Variants in KCNQ5 observed in about 807,000 individuals in gnomAD.
KCNQ5 encodes potassium voltage-gated channel subfamily KQT member 5.
Under a neutral mutation model 98.2 loss-of-function variants are expected in KCNQ5, and 30 were observed. The observed-to-expected ratio is 0.31, with a 90% CI of 0.23 to 0.41. The LOEUF is 0.41. Ranked by LOEUF, KCNQ5 falls within the 10% of genes least tolerant of loss-of-function variation. KCNQ5 has a pLI of 1.00. For synonymous variants in KCNQ5, 458 were observed against 449.4 expected (o/e 1.02, Z -0.24); for missense variants, 835 against 1,182.5 (o/e 0.71, Z 4.31).
chr6:72,891,601 TAC>T (rs369933821), intron 1 of KCNQ5, among the ~76,000 whole-genome samples: 13 of 152,290 alleles, frequency 8.5e-5, no homozygotes, highest in African/African-American at 2.6e-4. Flanking sequence ...TTACATAATC[TAC>T]AGTCATGTAA....
intron 6 of KCNQ5, among the ~76,000 whole-genome samples, chr6:73,107,388 G>T (rs1267241992): frequency 6.6e-6 from 1 of 152,216 alleles, no homozygotes; most frequent in African/African-American, 2.4e-5. Context: ...TATAGAGGAA[G>T]ATGATAGAAC....
intron 1 of KCNQ5, among the ~76,000 whole-genome samples, chr6:72,807,244 C>A (rs1197291100): frequency 6.6e-6 from 1 of 151,952 alleles, no homozygotes; most frequent in African/African-American, 2.4e-5. Flanking sequence ...TACCATAGGG[C>A]TTAGTTAATT....
At chr6:73,019,906 C>A (rs182874657) in intron 2 of KCNQ5, among the ~76,000 whole-genome samples, 185 of 152,260 alleles carry the variant, frequency 1.2e-3, no homozygotes, top group Non-Finnish European at 2.1e-3. Context: ...ACATTGGGAT[C>A]ATTCTGTCTT....
At chr6:72,637,297 C>T (rs2098924767) in intron 1 of KCNQ5, among the ~76,000 whole-genome samples, 1 of 151,654 alleles carries the variant, frequency 6.6e-6, no homozygotes, top group Non-Finnish European at 1.5e-5. Flanking sequence ...TTTCAGTATA[C>T]ACTTTAAGCT....
At chr6:73,192,264 G>GTCAGGCA (rs1765620037) in intron 12 of KCNQ5, among the ~76,000 whole-genome samples, 1 of 152,164 alleles carries the variant, frequency 6.6e-6, no homozygotes, top group African/African-American at 2.4e-5. Flanking sequence ...ATTTTGAAAT[G>GTCAGGCA]GTTAAATTCA....
intron 7 of KCNQ5, among the ~76,000 whole-genome samples, chr6:73,118,005 A>G (rs1372243153): frequency 6.6e-6 from 1 of 152,178 alleles, no homozygotes; most frequent in Non-Finnish European, 1.5e-5. Context: ...CTTCCTCAAA[A>G]ATATAAAAAG....
chr6:73,038,625 A>AT (rs368290079), intron 2 of KCNQ5, among the ~76,000 whole-genome samples: 1,653 of 151,054 alleles, frequency 0.011, 32 homozygotes, highest in African/African-American at 0.037. Context: ...AATTTATATG[A>AT]TTTTTTTTTA....
intron 1 of KCNQ5, among the ~76,000 whole-genome samples, chr6:72,957,042 C>T (rs1010917475): frequency 1.3e-5 from 2 of 151,998 alleles, no homozygotes; most frequent in African/African-American, 4.8e-5. Context: ...CTGGGCTTTG[C>T]CTCTACTTTA....
At position 72,724,004 on chromosome 6, in the gene KCNQ5, C is replaced by A. The variant is rs186032713; in HGVS notation, c.398+101417C>A. Reference sequence around the variant, plus strand: ...TGTAATATGATTTTTAAGTAATTGACTTTCTTTTGACACGCTTTCTTATTT... The same window carrying A: ...TGTAATATGATTTTTAAGTAATTGAATTTCTTTTGACACGCTTTCTTATTT... On this transcript the variant is annotated intron_variant, in intron 1 of 13. Coordinates refer to ENST00000370398, the MANE Select transcript of KCNQ5 (RefSeq NM_019842.4). 3.4e-3 allele frequency among the ~76,000 whole-genome samples: 522 copies of A among 152,176 alleles called. 3 individuals are homozygous for A. Among genetic ancestry groups the A allele is most frequent in the Non-Finnish European group, 6.4e-3 (438 of 67,976 alleles).
At chr6:73,103,638 T>TA (rs1180107054) in intron 5 of KCNQ5, among the ~76,000 whole-genome samples, 4 of 151,520 alleles carry the variant, frequency 2.6e-5, no homozygotes, top group Admixed American at 2.0e-4. Context: ...GTATAATAAT[T>TA]AAAAAAAATT....
At chr6:73,113,787 G>T (rs904634138) in intron 7 of KCNQ5, among the ~76,000 whole-genome samples, 1 of 152,230 alleles carries the variant, frequency 6.6e-6, no homozygotes. Flanking sequence ...TGGAGGACAG[G>T]CTAATTGAAC....
chr6:72,828,913 T>C (rs1473637081), intron 1 of KCNQ5, among the ~76,000 whole-genome samples: 2 of 152,122 alleles, frequency 1.3e-5, no homozygotes, highest in Admixed American at 1.3e-4. Context: ...GTGGTGGTCT[T>C]TGTTTTAATA....
intron 1 of KCNQ5, among the ~76,000 whole-genome samples, chr6:72,655,443 C>T (rs1766140043): frequency 1.3e-5 from 2 of 151,910 alleles, no homozygotes; most frequent in South Asian, 4.2e-4. Context: ...ATGAAGATTC[C>T]AAGGAGAGAC....
chr6:72,749,181 C>T (rs1482727803), intron 1 of KCNQ5, among the ~76,000 whole-genome samples: 1 of 152,132 alleles, frequency 6.6e-6, no homozygotes, highest in Admixed American at 6.6e-5. Context: ...CACCCCAAAA[C>T]ATTTTCATTT....
chr6:73,006,537 C>A (rs143330334), intron 2 of KCNQ5, among the ~76,000 whole-genome samples: 166 of 152,172 alleles, frequency 1.1e-3, no homozygotes, highest in African/African-American at 4.0e-3. Context: ...CCTGTAATCC[C>A]AGCTATTTGT....
At chr6:73,169,608 C>T in intron 10 of KCNQ5, 138 bp from the exon 11 acceptor site, 1 of 630,970 alleles carries the variant, frequency 1.6e-6, no homozygotes, top group Non-Finnish European at 2.9e-6. Context: ...ATTGGCAAGA[C>T]AATTGGCTGA....
At chr6:72,976,275 CTT>C (rs1271977863) in intron 1 of KCNQ5, among the ~76,000 whole-genome samples, 2 of 152,110 alleles carry the variant, frequency 1.3e-5, no homozygotes, top group African/African-American at 4.8e-5. Flanking sequence ...AATTTACAAC[CTT>C]TTTACGGAAA....
At chr6:73,192,181 A>G (rs537757774) in intron 12 of KCNQ5, among the ~76,000 whole-genome samples, 1 of 152,366 alleles carries the variant, frequency 6.6e-6, no homozygotes, top group South Asian at 2.1e-4. Context: ...TATCTTTCAC[A>G]CATGTACAAT....
rs972546555 is a variant in KCNQ5, at chr6:73,196,384, C to G, written c.*970C>G. 1 of 152,106 alleles carries G rather than the reference C, an allele frequency of 6.6e-6. No individual in the cohort carries two copies. The highest frequency in any genetic ancestry group is 2.4e-5 in the African/African-American group (1 of 41,396). 9.4% of individuals were successfully genotyped at this position (152,106 alleles called of 1,614,324 possible). A position where few individuals can be genotyped will look rare whatever the true frequency, so the allele number is the denominator to read the frequency against. On this transcript the variant is annotated 3_prime_UTR_variant, in exon 14 of 14. Transcript: ENST00000370398. ...GAGATAGGAAAGGCTTGAAAAGAAC[C>G]CAGAAACACCACCAGGAAGTTGGCA...
Sources: allele counts gnomAD v4.1 joint callset (sites outside exome capture counted in the v4.1 genomes callset), GRCh38; gene constraint gnomAD v4.1.1; transcripts MANE v1.5; gene names NCBI Gene and HGNC (gene_info 2026-07-23, HGNC 2026-07-21).